The following ASH2L variants were observed in gnomAD, a reference collection of about 807,000 sequenced individuals.
ASH2L encodes the protein ASH2 like, histone lysine methyltransferase complex subunit, also known as set1/Ash2 histone methyltransferase complex subunit ASH2.
In ASH2L, 30 loss-of-function variants were observed where a neutral mutation model predicts 81.1. The observed-to-expected ratio is 0.37, with a 90% CI of 0.28 to 0.50. The LOEUF (loss-of-function observed/expected upper bound fraction) is 0.50. Among genes scored for constraint, ASH2L ranks in the 20% least tolerant of loss-of-function variants. The probability of loss-of-function intolerance (pLI) is 0.95; values close to 1 mark genes in which losing one functional copy is unlikely to be tolerated. For missense variants in ASH2L, 559 were observed against 792.1 expected (o/e 0.71, Z 3.53); for synonymous variants, 273 against 279.9 (o/e 0.98, Z 0.24).
chr8:38,107,078 G>A lies in ASH2L; in HGVS notation c.313G>A (p.Glu105Lys). 1.2e-6 allele frequency: 2 copies of A among 1,614,186 alleles called. No homozygotes were observed. The highest frequency in any genetic ancestry group is 1.7e-5 in the Admixed American group (1 of 60,020). Residue 105 changes from glutamate (E) to lysine (K), a missense_variant, in exon 3 of 16, where the codon GAG becomes AAG. This residue lies in a region of ASH2L where 318 missense variants were observed against 527.0 expected (regional missense o/e 0.60). Transcript: ENST00000343823. Reference protein sequence around the residue: ...MDTQAGSVDEENGRQLGEVEL... With the variant: ...MDTQAGSVDEKNGRQLGEVEL... The stretch of plus-strand genomic sequence containing the variant: ...TACTCAGGCGGGCTCCGTGGATGAA[G>A]AGAATGGCCGACAGTTGGGTGAGGT...
At chr8:38,127,155 T>C (rs1303030666) in intron 10 of ASH2L, among the ~76,000 whole-genome samples, 1 of 86,242 alleles carries the variant, frequency 1.2e-5, no homozygotes, top group Non-Finnish European at 2.2e-5. Context: ...GCATGAGACC[T>C]TATCTCAAGG....
In ASH2L at chr8:38,125,608, CAAA is replaced by C. The variant is rs11304330; in HGVS notation, c.1166-2670_1166-2668del. Reference sequence around the variant, plus strand: ...GGGCGACAAGAGTGAAACTCCATCTCAAAAAAAAAAAAAAATGCAGATATTTTC... The same window carrying C: ...GGGCGACAAGAGTGAAACTCCATCTCAAAAAAAAAAAATGCAGATATTTTC... On this transcript the variant is annotated intron_variant, in intron 10 of 15. Transcript: ENST00000343823. 7.6e-3 allele frequency among the ~76,000 whole-genome samples: 1,110 copies of C among 146,818 alleles called. 3 individuals are homozygous for C. The highest frequency in any genetic ancestry group is 0.011 in the Non-Finnish European group (719 of 66,698).
chr8:38,132,371 A>T (rs554913722), intron 12 of ASH2L, among the ~76,000 whole-genome samples: 1 of 152,350 alleles, frequency 6.6e-6, no homozygotes, highest in East Asian at 1.9e-4. Flanking sequence ...TTAATGTCAT[A>T]TATTTCTCTG....
At chr8:38,110,135 C>G (rs1416125042) in intron 3 of ASH2L, among the ~76,000 whole-genome samples, 1 of 152,086 alleles carries the variant, frequency 6.6e-6, no homozygotes, top group Middle Eastern at 3.2e-3. Flanking sequence ...ATGGCGAAAC[C>G]CTGACTCCAT....
At chr8:38,124,232 G>C (rs1355741344) in intron 10 of ASH2L, 1 of 151,628 alleles carries the variant, frequency 6.6e-6, no homozygotes, top group African/African-American at 2.4e-5. Flanking sequence ...TTTTAGAAAG[G>C]TTCTTGTTCT....
In ASH2L at chr8:38,128,319, G is replaced by T. The variant is rs1801937808; in HGVS notation, c.1194G>T (p.Arg398=). 1 of 1,613,996 alleles carries T rather than the reference G, an allele frequency of 6.2e-7. No individual in the cohort carries two copies. The change falls in exon 11 of 16, where the codon CGG becomes CGT. Residue 398 remains arginine, a synonymous_variant. Transcript: ENST00000343823. Reference sequence around the variant, plus strand: ...CCCAGTTAAAGATCTCAGATGACCGGCTGACTGTGGTTGGAGAGAAGGGCT... The same window carrying T: ...CCCAGTTAAAGATCTCAGATGACCGTCTGACTGTGGTTGGAGAGAAGGGCT... ...RAPQLKISDD[R]LTVVGEKGYS...
intron 7 of ASH2L, among the ~76,000 whole-genome samples, 154 bp from the exon 8 acceptor site, chr8:38,116,496 G>C (rs576126026): frequency 1.3e-5 from 2 of 152,306 alleles, no homozygotes; most frequent in South Asian, 4.1e-4. Context: ...TCGCGCCACT[G>C]TACTACAGAC....
At position 38,139,947 on chromosome 8, in the gene ASH2L, G is replaced by T. The variant is rs1438982737; in HGVS notation, c.*876G>T. On this transcript the variant is annotated 3_prime_UTR_variant, in exon 16 of 16. Transcript: ENST00000343823. ...TGATCTCCCTCCCGGTCTTCCCTTG[G>T]AACATGGATGTTGATATATGTGCGG... The T allele has an allele frequency of 6.6e-6, 1 of 152,202 alleles. No individual in the cohort carries two copies. The highest frequency in any genetic ancestry group is 2.4e-5 in the African/African-American group (1 of 41,422). 9.4% of individuals were successfully genotyped at this position (152,202 alleles called of 1,614,324 possible).
intron 12 of ASH2L, among the ~76,000 whole-genome samples, chr8:38,130,508 C>T (rs1802014956): frequency 1.3e-5 from 2 of 151,948 alleles, no homozygotes; most frequent in African/African-American, 2.4e-5. Flanking sequence ...AAATCTTTGG[C>T]TACTCCCTGT....
At position 38,119,966 on chromosome 8, in the gene ASH2L, A is replaced by G. The variant is rs138241510; in HGVS notation, c.947+603A>G. Among the ~76,000 whole-genome samples, 1,220 of 152,128 alleles carry G rather than the reference A, an allele frequency of 8.0e-3. 7 individuals carry two copies. The highest frequency in any genetic ancestry group is 0.013 in the Non-Finnish European group (903 of 67,992). Reference sequence around the variant, plus strand: ...AAACCCCATCTCTACTGAAACAAAAAACAAAAAAATTAGCTGGGCCTGGGG... The same window carrying G: ...AAACCCCATCTCTACTGAAACAAAAGACAAAAAAATTAGCTGGGCCTGGGG... On this transcript the variant is annotated intron_variant, in intron 9 of 15. Coordinates refer to ENST00000343823, the MANE Select transcript of ASH2L (RefSeq NM_004674.5).
intron 7 of ASH2L, 86 bp from the exon 8 acceptor site, chr8:38,116,564 A>G (rs929681948): frequency 5.6e-6 from 6 of 1,068,362 alleles, no homozygotes; most frequent in Middle Eastern, 2.0e-4. Context: ...TTTAGTTCCC[A>G]TTCTGTTAGA....
intron 10 of ASH2L, among the ~76,000 whole-genome samples, chr8:38,127,410 A>T (rs1311850367): frequency 1.3e-5 from 2 of 151,962 alleles, no homozygotes; most frequent in African/African-American, 4.8e-5. Context: ...GTTATATTTG[A>T]GGGAATATGC....
chr8:38,106,951 C>G, intron 2 of ASH2L, 70 bp from the exon 3 acceptor site: 1 of 1,576,748 alleles, frequency 6.3e-7, no homozygotes, highest in Non-Finnish European at 8.6e-7. Flanking sequence ...ACCCCCGTCT[C>G]TTAAAAAAAT....
intron 4 of ASH2L, 32 bp from the exon 5 acceptor site, chr8:38,110,707 G>T: frequency 6.4e-7 from 1 of 1,551,110 alleles, no homozygotes; most frequent in Non-Finnish European, 8.9e-7. Context: ...TAGTACTACA[G>T]ATAACTGTTT....
At chr8:38,130,227 C>CTTT (rs71216650) in intron 12 of ASH2L, among the ~76,000 whole-genome samples, 55 of 86,236 alleles carry the variant, frequency 6.4e-4, no homozygotes, top group African/African-American at 2.6e-3. Flanking sequence ...CTTCTCTGTT[C>CTTT]TTTTTTTTTT....
intron 13 of ASH2L, among the ~76,000 whole-genome samples, chr8:38,134,095 T>A (rs541643183): frequency 1.4e-4 from 21 of 152,286 alleles, no homozygotes; most frequent in Non-Finnish European, 2.5e-4. Context: ...GTGCAAGATG[T>A]GCTTTGTTAA....
intron 8 of ASH2L, among the ~76,000 whole-genome samples, chr8:38,117,041 C>T (rs933884231): frequency 6.6e-6 from 1 of 152,196 alleles, no homozygotes; most frequent in African/African-American, 2.4e-5. Flanking sequence ...TTCATCTCCT[C>T]TCCACTCTTT....
At position 38,105,714 on chromosome 8, in the gene ASH2L, C is replaced by T. The variant is rs943107874; in HGVS notation, c.164C>T (p.Pro55Leu). ...ATCTCTGCTGCTCCGACAGTTGAGC[C>T]CAGTTCCGGGGAGGCTGAAGGCGGG... ...EGISAAPTVE[P>L]SSGEAEGGEA... is the part of the protein sequence containing the mutation. Residue 55 changes from proline (P) to leucine (L), a missense_variant, in exon 1 of 16, where the codon CCC (proline) becomes CTC (leucine). Pro to Leu is a moderately conservative substitution (Grantham distance 98, BLOSUM62 -3). Around this residue, in one of 4 missense-constraint regions of ASH2L, gnomAD observed 145 missense variants for 115.5 expected, o/e 1.26. Coordinates refer to ENST00000343823, the MANE Select transcript of ASH2L (RefSeq NM_004674.5). The T allele has an allele frequency of 3.9e-6, 6 of 1,544,236 alleles. No homozygotes were observed. The African/African-American group carries it at 7.0e-5, about 18-fold the overall frequency.
At chr8:38,118,170 T>C (rs1209222422) in intron 8 of ASH2L, among the ~76,000 whole-genome samples, 1 of 152,182 alleles carries the variant, frequency 6.6e-6, no homozygotes, top group Non-Finnish European at 1.5e-5. Context: ...ACATCTGAGG[T>C]GTTCACCAAA....
Sources: allele counts gnomAD v4.1 joint callset (sites outside exome capture counted in the v4.1 genomes callset), GRCh38; gene constraint gnomAD v4.1.1; regional missense constraint gnomAD v4.1.1; transcripts MANE v1.5; gene names NCBI Gene and HGNC (gene_info 2026-07-23, HGNC 2026-07-21).